SUSD6: variants seen among roughly 807,000 people sequenced by gnomAD.
SUSD6 encodes the protein sushi domain containing 6.
A neutral mutation model predicts 28.4 loss-of-function variants in SUSD6; 16 were observed. That is an observed-to-expected ratio of 0.56 (90% CI 0.38 to 0.86). The LOEUF (loss-of-function observed/expected upper bound fraction) is 0.86, where lower values mean the gene tolerates loss of function less well. Among genes scored for constraint, SUSD6 ranks in the 40% least tolerant of loss-of-function variants. The pLI, the probability that SUSD6 is intolerant of heterozygous loss-of-function variation, is 0.00. For synonymous variants in SUSD6, 147 were observed against 159.6 expected, an observed-to-expected ratio of 0.92 and a Z score of 0.59; for missense variants, 341 against 384.2, an observed-to-expected ratio of 0.89 and a Z score of 0.94.
At chr14:69,706,882 A>G (rs965532804) in intron 4 of SUSD6, among the ~76,000 whole-genome samples, 18 of 152,304 alleles carry the variant, frequency 1.2e-4, no homozygotes, top group Middle Eastern at 3.4e-3. Context: ...CAGACCATCT[A>G]TATTTCTTGA....
In SUSD6 at chr14:69,665,598, A is replaced by G. The variant is rs569297612; in HGVS notation, c.121+6885A>G. 4.6e-5 allele frequency among the ~76,000 whole-genome samples: 7 copies of G among 152,296 alleles called. No homozygotes were observed. In the East Asian group the frequency reaches 1.3e-3, roughly 29 times the overall value. ...AGGATTGTCCCTAGGATTTCTTCAC[A>G]TAGCTGTCTCTTATGAGGTGGAGTG... On this transcript the variant is annotated intron_variant, in intron 2 of 5. Transcript: ENST00000342745.
At chr14:69,642,651 CG>C (rs1178049337) in intron 1 of SUSD6, among the ~76,000 whole-genome samples, 1 of 133,930 alleles carries the variant, frequency 7.5e-6, no homozygotes, top group East Asian at 2.7e-4. Context: ...CCCCGCCCCC[CG>C]CCCCCCTGCT....
chr14:69,617,576 G>A (rs138673744), intron 1 of SUSD6: 1 of 152,186 alleles, frequency 6.6e-6, no homozygotes, highest in African/African-American at 2.4e-5. Flanking sequence ...TGACAGACGC[G>A]ATAGTGCCTA....
chr14:69,674,200 C>G (rs983120907), intron 2 of SUSD6, among the ~76,000 whole-genome samples: 1 of 152,212 alleles, frequency 6.6e-6, no homozygotes, highest in Non-Finnish European at 1.5e-5. Flanking sequence ...CCACTGCCAG[C>G]TTCACAGGCT....
In SUSD6 at chr14:69,709,015, A is replaced by G. The variant is rs1419891634; in HGVS notation, c.797A>G (p.Asn266Ser). 3 of 1,613,964 alleles carry G rather than the reference A, an allele frequency of 1.9e-6. No homozygotes were observed. Among genetic ancestry groups the G allele is most frequent in the Non-Finnish European group, 2.5e-6 (3 of 1,180,002 alleles). ...TCTTCCTGGGTGGCCGGCTCAGGGA[A>G]CCGCCAACTGGCACACAAAGAAACT... ...TTSSWVAGSGNRQLAHKETAD... is the reference protein window; with the variant it reads ...TTSSWVAGSGSRQLAHKETAD... The change falls in exon 5 of 6, where the codon AAC (asparagine) becomes AGC (serine). Residue 266 changes from asparagine to serine, a missense_variant. Asn to Ser is a conservative substitution (Grantham distance 46). Coordinates refer to ENST00000342745, the MANE Select transcript of SUSD6 (RefSeq NM_014734.4).
intron 4 of SUSD6, among the ~76,000 whole-genome samples, chr14:69,706,469 C>CT (rs960313873): frequency 1.3e-5 from 2 of 151,594 alleles, no homozygotes; most frequent in African/African-American, 4.8e-5. Flanking sequence ...TCTTTTTTTT[C>CT]TTTTTCTGAG....
intron 4 of SUSD6, among the ~76,000 whole-genome samples, chr14:69,706,094 A>G (rs902201017): frequency 6.6e-6 from 1 of 152,204 alleles, no homozygotes; most frequent in African/African-American, 2.4e-5. Flanking sequence ...TCTGTGTACT[A>G]TGTGTGATTT....
chr14:69,668,165 G>A (rs142234595), intron 2 of SUSD6, among the ~76,000 whole-genome samples: 39 of 152,320 alleles, frequency 2.6e-4, no homozygotes, highest in African/African-American at 8.9e-4. Context: ...GGAGGAGCAC[G>A]TGAAAGTGTT....
intron 1 of SUSD6, among the ~76,000 whole-genome samples, chr14:69,616,121 C>T (rs1317362107): frequency 7.9e-5 from 12 of 152,170 alleles, no homozygotes; most frequent in Non-Finnish European, 1.6e-4. Context: ...GGTTTGCAGA[C>T]GGCAGAGGTG....
intron 1 of SUSD6, among the ~76,000 whole-genome samples, chr14:69,622,013 C>T (rs1470334125): frequency 6.6e-6 from 1 of 152,192 alleles, no homozygotes; most frequent in Non-Finnish European, 1.5e-5. Flanking sequence ...AGGTGGTTTT[C>T]AGGCAACACA....
intron 2 of SUSD6, among the ~76,000 whole-genome samples, chr14:69,669,966 T>C (rs999797078): frequency 6.6e-6 from 1 of 152,240 alleles, no homozygotes; most frequent in Non-Finnish European, 1.5e-5. Context: ...CTCTGGTAAT[T>C]GCAGCTTTGG....
chr14:69,630,928 A>G (rs1004088472), intron 1 of SUSD6, among the ~76,000 whole-genome samples: 1 of 152,208 alleles, frequency 6.6e-6, no homozygotes, highest in Non-Finnish European at 1.5e-5. Context: ...CTGAGAGTTC[A>G]TGTTTCTGAA....
chr14:69,708,100 T>G (rs1052481137), intron 4 of SUSD6, among the ~76,000 whole-genome samples: 3 of 152,258 alleles, frequency 2.0e-5, no homozygotes, highest in African/African-American at 7.2e-5. Flanking sequence ...AAAAGCAGTA[T>G]GGCTGAGTCA....
intron 5 of SUSD6, among the ~76,000 whole-genome samples, chr14:69,710,612 T>C (rs948192956): frequency 1.3e-5 from 2 of 152,086 alleles, no homozygotes; most frequent in Non-Finnish European, 2.9e-5. Context: ...GGCAGATGGC[T>C]TTAGGAGGCA....
intron 2 of SUSD6, among the ~76,000 whole-genome samples, chr14:69,674,618 T>C (rs1885880792): frequency 6.6e-6 from 1 of 152,170 alleles, no homozygotes; most frequent in Non-Finnish European, 1.5e-5. Context: ...TAGCTGGGAA[T>C]GTTTTCACTG....
intron 2 of SUSD6, among the ~76,000 whole-genome samples, chr14:69,699,242 C>T (rs1206103052): frequency 2.0e-5 from 3 of 152,058 alleles, no homozygotes; most frequent in African/African-American, 7.2e-5. Context: ...CTCACTTTGT[C>T]GCCCAGGCTG....
intron 4 of SUSD6, among the ~76,000 whole-genome samples, chr14:69,705,177 G>T (rs1249088344): frequency 1.3e-5 from 2 of 151,942 alleles, no homozygotes; most frequent in Admixed American, 1.3e-4. Context: ...AATTAGCCGG[G>T]TGTGGTGGCG....
intron 5 of SUSD6, 44 bp from the exon 6 acceptor site, chr14:69,710,909 TC>T: frequency 6.2e-7 from 1 of 1,605,902 alleles, no homozygotes; most frequent in Non-Finnish European, 8.5e-7. Flanking sequence ...GCTCTAGAGT[TC>T]CACACAAGGT....
intron 1 of SUSD6, among the ~76,000 whole-genome samples, chr14:69,624,644 G>A (rs924735670): frequency 7.2e-5 from 11 of 152,100 alleles, no homozygotes; most frequent in African/African-American, 2.2e-4. Context: ...TAGTAGAGAC[G>A]GAGTTTCTCC....
Sources: allele counts gnomAD v4.1 joint callset (sites outside exome capture counted in the v4.1 genomes callset), GRCh38; gene constraint gnomAD v4.1.1; transcripts MANE v1.5; gene names NCBI Gene and HGNC (gene_info 2026-07-23, HGNC 2026-07-21).